NFKBID: variants seen among roughly 807,000 people sequenced by gnomAD.
NFKBID encodes NFKB inhibitor delta.
In NFKBID, 26 loss-of-function variants were observed where a neutral mutation model predicts 53.4. That is an observed-to-expected ratio of 0.49 (90% CI 0.36 to 0.68). NFKBID has a LOEUF of 0.68. Among genes scored for constraint, NFKBID ranks in the 30% least tolerant of loss-of-function variants. The pLI is 0.00. For synonymous variants in NFKBID, 262 were observed against 259.8 expected, an observed-to-expected ratio of 1.01 and a Z score of -0.08; for missense variants, 493 against 614.1, an observed-to-expected ratio of 0.80 and a Z score of 2.08.
At chr19:35,899,047 A>G (rs1358421184) in intron 1 of NFKBID, among the ~76,000 whole-genome samples, 1 of 151,812 alleles carries the variant, frequency 6.6e-6, no homozygotes, top group African/African-American at 2.4e-5. Context: ...CTCTGACCCA[A>G]CTTTCCACCA....
rs1295626981 is a variant in NFKBID at position 35,896,581 on chromosome 19, C to T, written c.685-43G>A. 1.2e-6 allele frequency: 2 copies of T among 1,607,518 alleles called. No homozygotes were observed. The highest frequency in any genetic ancestry group is 3.3e-5 in the Admixed American group (2 of 59,726). Reference sequence around the variant, plus strand: ...AGTCAGGTTGGGCTCCTGGTTCCCTCCCGTCAGAAAACCAGGCTCCCAGCC... The same window carrying T: ...AGTCAGGTTGGGCTCCTGGTTCCCTTCCGTCAGAAAACCAGGCTCCCAGCC... On this transcript the variant is annotated intron_variant, in intron 6 of 11. Transcript: ENST00000641389. This position sits in a 1 kb window ranked among gnomAD's most constrained non-coding sequence, Gnocchi z 5.7.
chr19:35,889,141 A>G (rs1974575075), intron 11 of NFKBID, among the ~76,000 whole-genome samples: 2 of 151,344 alleles, frequency 1.3e-5, no homozygotes, highest in African/African-American at 4.9e-5. Flanking sequence ...AATTGAGGCC[A>G]GGAGTTTGAG....
intron 10 of NFKBID, 44 bp downstream of exon 10, chr19:35,890,330 T>G: frequency 1.8e-6 from 2 of 1,088,954 alleles, no homozygotes; most frequent in Non-Finnish European, 2.7e-6. Context: ...CTGCCCCCCC[T>G]ACCGTACCCC....
At chr19:35,893,003 C>CA (rs892623260) in intron 9 of NFKBID, among the ~76,000 whole-genome samples, 2 of 151,980 alleles carry the variant, frequency 1.3e-5, no homozygotes, top group Non-Finnish European at 2.9e-5. Context: ...CCCCTCTCTA[C>CA]AAAAAATATA....
At chr19:35,890,763 C>CT (rs571988943) in intron 9 of NFKBID, 67 of 431,154 alleles carry the variant, frequency 1.6e-4, no homozygotes, top group African/African-American at 1.1e-3. Context: ...GCTTGGGAGG[C>CT]TGAGGCAGGA....
upstream of NFKBID, chr19:35,901,625 G>A (rs77951815): frequency 0.012 from 1,815 of 153,606 alleles, 22 homozygotes; most frequent in African/African-American, 0.034. Context: ...TCATTCTGTC[G>A]CCCAGGCTGG....
At chr19:35,889,270 C>G (rs1420789850) in intron 11 of NFKBID, among the ~76,000 whole-genome samples, 1 of 151,682 alleles carries the variant, frequency 6.6e-6, no homozygotes, top group African/African-American at 2.4e-5. Flanking sequence ...GTGGGAGGAT[C>G]CCTTGAGCCC....
chr19:35,899,828 G>C (rs1224626770), intron 1 of NFKBID: 1 of 152,348 alleles, frequency 6.6e-6, no homozygotes, highest in Admixed American at 6.5e-5. Context: ...GCTCACGCAA[G>C]GGAATCTTCC....
upstream of NFKBID, among the ~76,000 whole-genome samples, chr19:35,901,087 C>T (rs1471081000): frequency 6.6e-6 from 1 of 152,070 alleles, no homozygotes; most frequent in Non-Finnish European, 1.5e-5. Context: ...CCTGCCTTGG[C>T]CTCCCAAAGT....
At chr19:35,898,401 G>A in intron 3 of NFKBID, 71 bp downstream of exon 3, 2 of 982,936 alleles carry the variant, frequency 2.0e-6, no homozygotes, top group East Asian at 2.6e-5. Context: ...GTGTCCCAAA[G>A]TTCTGAGAGC....
intron 9 of NFKBID, among the ~76,000 whole-genome samples, chr19:35,894,957 C>T (rs1287352708): frequency 6.6e-6 from 1 of 151,810 alleles, no homozygotes; most frequent in Admixed American, 6.6e-5. Context: ...CACACCATTG[C>T]ACTCCAGCCT....
chr19:35,894,375 A>G (rs1384765692), intron 9 of NFKBID, among the ~76,000 whole-genome samples: 1 of 152,104 alleles, frequency 6.6e-6, no homozygotes, highest in Non-Finnish European at 1.5e-5. Context: ...AAGTCAGACT[A>G]CCTGGGTTCT....
At chr19:35,894,956 G>A (rs1488288225) in intron 9 of NFKBID, among the ~76,000 whole-genome samples, 4 of 151,730 alleles carry the variant, frequency 2.6e-5, no homozygotes, top group Non-Finnish European at 5.9e-5. Context: ...TCACACCATT[G>A]CACTCCAGCC....
chr19:35,897,375 C>A (rs1975253261), intron 4 of NFKBID: 3 of 551,506 alleles, frequency 5.4e-6, no homozygotes, highest in Non-Finnish European at 9.6e-6. Context: ...CTGCCTCAGC[C>A]TCCCGAGTAG....
upstream of NFKBID, chr19:35,900,747 C>A: frequency 1.3e-6 from 1 of 750,606 alleles, no homozygotes; most frequent in Non-Finnish European, 1.8e-6. Context: ...TCTGAAGGAG[C>A]CTAGGGCACC....
At chr19:35,900,330 T>G in intron 1 of NFKBID, 112 bp downstream of exon 1, 1 of 849,334 alleles carries the variant, frequency 1.2e-6, no homozygotes, top group Non-Finnish European at 1.6e-6. Context: ...GCCCTCACTC[T>G]CGGGATAAAG....
At chr19:35,899,944 C>T (rs932464803) in intron 1 of NFKBID, among the ~76,000 whole-genome samples, 5 of 152,004 alleles carry the variant, frequency 3.3e-5, no homozygotes, top group Non-Finnish European at 7.4e-5. Flanking sequence ...GGAATTCCTG[C>T]TCAGCCCCGC....
chr19:35,896,718 A>C lies in NFKBID; in HGVS notation c.684+8T>G. The C allele has an allele frequency of 6.2e-7, 1 of 1,612,676 alleles. No individual in the cohort carries two copies. Among genetic ancestry groups the C allele is most frequent in the Non-Finnish European group, 8.5e-7 (1 of 1,179,104 alleles). ...TGAACCCAGGAGAGTTCAGGCCCCAAGCCTCACCTTGCCCTTATGCTCACG... is the reference window on the plus strand; with the variant it reads ...TGAACCCAGGAGAGTTCAGGCCCCACGCCTCACCTTGCCCTTATGCTCACG... On this transcript the variant is annotated splice_region_variant and intron_variant, in intron 6 of 11. Coordinates refer to ENST00000641389, the Ensembl canonical transcript of NFKBID. This position sits in a 1 kb window ranked among gnomAD's most constrained non-coding sequence, Gnocchi z 5.7.
chr19:35,900,359 G>A lies in NFKBID; in HGVS notation c.61+83C>T, dbSNP rs138452779. 141 of 1,055,012 alleles carry A rather than the reference G, an allele frequency of 1.3e-4. No individual in the cohort carries two copies. The Middle Eastern group carries it at 5.9e-3, about 44-fold the overall frequency. 65.4% of individuals were successfully genotyped at this position (1,055,012 alleles called of 1,614,324 possible). A position where few individuals can be genotyped will look rare whatever the true frequency, so the allele number is the denominator to read the frequency against. ...GATAAAGGACTGACGCTTCAGCTCC[G>A]TCCCTCAGGGCCTCGGGAGTCTTTC... On this transcript the variant is annotated intron_variant, in intron 1 of 11. Transcript: ENST00000641389.
Sources: allele counts gnomAD v4.1 joint callset (sites outside exome capture counted in the v4.1 genomes callset), GRCh38; gene constraint gnomAD v4.1.1; non-coding constraint Gnocchi (gnomAD v3.1); transcripts MANE v1.5; gene names NCBI Gene and HGNC (gene_info 2026-07-23, HGNC 2026-07-21).